MYO9A: variants seen among roughly 807,000 people sequenced by gnomAD.
MYO9A encodes unconventional myosin-IXa.
MYO9A carries 103 observed loss-of-function variants against 293.3 expected under a neutral mutation model. The observed-to-expected ratio is 0.35, with a 90% CI of 0.30 to 0.41. The LOEUF (loss-of-function observed/expected upper bound fraction) is 0.41. Among genes scored for constraint, MYO9A ranks in the 10% least tolerant of loss-of-function variants. The pLI is 1.00. For missense variants in MYO9A, 2,685 were observed against 3,033.0 expected, an observed-to-expected ratio of 0.89 and a Z score of 2.69; for synonymous variants, 1,001 against 1,035.7, an observed-to-expected ratio of 0.97 and a Z score of 0.64.
At chr15:72,003,542 T>C (rs1044688707) in intron 8 of MYO9A, among the ~76,000 whole-genome samples, 4 of 140,876 alleles carry the variant, frequency 2.8e-5, no homozygotes, top group African/African-American at 7.8e-5. Context: ...TAAAAATACA[T>C]AAAAAAAAAA....
At position 71,823,952 on chromosome 15, in the gene MYO9A, G is replaced by T. The variant is rs1052765463; in HGVS notation, c.*2628C>A. ...TGGTGACATAACTTTACCATGCAGA[G>T]GGCCAGTGAGAACAGATGGATGCAG... On this transcript the variant is annotated 3_prime_UTR_variant, in exon 42 of 42. Coordinates refer to ENST00000356056, the MANE Select transcript of MYO9A (RefSeq NM_006901.4). 6 of 152,224 alleles carry T rather than the reference G, an allele frequency of 3.9e-5. No homozygotes were observed. In the East Asian group the frequency reaches 1.2e-3, roughly 29 times the overall value. The allele number at this position is 152,224 out of a possible 1,614,324, so 9.4% of individuals were successfully genotyped here.
At chr15:72,103,557 C>G (rs1406456890) in intron 1 of MYO9A, among the ~76,000 whole-genome samples, 1 of 150,962 alleles carries the variant, frequency 6.6e-6, no homozygotes, top group Non-Finnish European at 1.5e-5. Flanking sequence ...GCAGTGGAAG[C>G]AGAAGCAGCA....
chr15:71,961,357 G>A (rs1026496166), intron 13 of MYO9A, among the ~76,000 whole-genome samples: 1 of 152,158 alleles, frequency 6.6e-6, no homozygotes, highest in African/African-American at 2.4e-5. Context: ...GAAGACTAGA[G>A]AAAGGAAAGT....
chr15:72,097,893 A>G (rs1296645526), intron 1 of MYO9A, among the ~76,000 whole-genome samples: 1 of 152,186 alleles, frequency 6.6e-6, no homozygotes, highest in Non-Finnish European at 1.5e-5. Context: ...CTGGTGACAG[A>G]GCGAGACTCC....
At chr15:72,075,425 A>T (rs1370470737) in intron 1 of MYO9A, among the ~76,000 whole-genome samples, 1 of 151,980 alleles carries the variant, frequency 6.6e-6, no homozygotes, top group Non-Finnish European at 1.5e-5. Context: ...TTATAAAAAT[A>T]TATGATATTA....
At chr15:72,018,936 T>C in intron 6 of MYO9A, 103 bp downstream of exon 6, 1 of 867,770 alleles carries the variant, frequency 1.2e-6, no homozygotes, top group Non-Finnish European at 1.9e-6. Context: ...CTAGGATTCT[T>C]TGTATTTCAG....
rs1215219574 is a variant in MYO9A, at chr15:72,045,974, G to T, written c.590C>A (p.Pro197His). Residue 197 changes from proline to histidine, a missense_variant, in exon 2 of 42, where the codon CCC becomes CAC. Coordinates refer to ENST00000356056, the MANE Select transcript of MYO9A (RefSeq NM_006901.4). ...GTTATCATACATTTTGACATATTTG[G>T]GGTTATAAATAGGAAGAAACTTGAA... ...NPFKFLPIYN[P>H]KYVKMYDNHQ... is the part of the protein sequence containing the mutation. The T allele has an allele frequency of 6.2e-7, 1 of 1,614,022 alleles. No individual in the cohort carries two copies. The highest frequency in any genetic ancestry group is 1.7e-5 in the Admixed American group (1 of 60,014).
At chr15:72,104,212 C>T (rs2080489478) in intron 1 of MYO9A, among the ~76,000 whole-genome samples, 1 of 152,222 alleles carries the variant, frequency 6.6e-6, no homozygotes, top group Non-Finnish European at 1.5e-5. Flanking sequence ...ATAGTATATA[C>T]TGTGTTGCCA....
At chr15:71,996,721 T>C (rs2076707907) in intron 9 of MYO9A, among the ~76,000 whole-genome samples, 1 of 152,130 alleles carries the variant, frequency 6.6e-6, no homozygotes, top group South Asian at 2.1e-4. Context: ...CATTTCTCCC[T>C]ATCAATATGT....
intron 1 of MYO9A, among the ~76,000 whole-genome samples, chr15:72,052,077 C>A (rs893985628): frequency 2.0e-5 from 3 of 152,218 alleles, no homozygotes; most frequent in Non-Finnish European, 4.4e-5. Flanking sequence ...CTTGGGGAGA[C>A]AACCACCTGC....
chr15:72,027,181 A>C (rs138452936), intron 4 of MYO9A, among the ~76,000 whole-genome samples: 1 of 152,356 alleles, frequency 6.6e-6, no homozygotes, highest in East Asian at 1.9e-4. Flanking sequence ...TCTATCTGTA[A>C]AATGGGAATA....
At position 71,981,142 on chromosome 15, in the gene MYO9A, T is replaced by C. The variant is rs145250142; in HGVS notation, c.1723-2850A>G. Among the ~76,000 whole-genome samples, 1,191 of 152,332 alleles carry C rather than the reference T, an allele frequency of 7.8e-3. 22 individuals carry two copies. The highest frequency in any genetic ancestry group is 0.027 in the African/African-American group (1,137 of 41,582). Reference sequence around the variant, plus strand: ...CACATGCTGAAAAAAAAATCTCCCTTTGGTTACAATGTATTATCCTTTTGT... The same window carrying C: ...CACATGCTGAAAAAAAAATCTCCCTCTGGTTACAATGTATTATCCTTTTGT... On this transcript the variant is annotated intron_variant, in intron 11 of 41. Transcript: ENST00000356056.
chr15:72,022,064 T>C (rs893908197), intron 4 of MYO9A, among the ~76,000 whole-genome samples: 2 of 152,108 alleles, frequency 1.3e-5, no homozygotes, highest in Non-Finnish European at 2.9e-5. Flanking sequence ...CTAAGTTAAA[T>C]AAGCAGACAC....
At chr15:71,896,696 C>CT (rs1043723790) in intron 25 of MYO9A, among the ~76,000 whole-genome samples, 2 of 151,786 alleles carry the variant, frequency 1.3e-5, no homozygotes, top group Admixed American at 1.3e-4. Context: ...AGGAGAACTG[C>CT]TTGAGCCTAG....
intron 33 of MYO9A, among the ~76,000 whole-genome samples, chr15:71,861,699 AAAC>A (rs1294455760): frequency 6.7e-6 from 1 of 149,440 alleles, no homozygotes; most frequent in Non-Finnish European, 1.5e-5. Context: ...AAAAAAAAAA[AAAC>A]AAATAAGTTT....
intron 18 of MYO9A, among the ~76,000 whole-genome samples, chr15:71,924,038 T>C (rs2058224289): frequency 7.1e-6 from 1 of 141,418 alleles, no homozygotes; most frequent in Admixed American, 7.5e-5. Flanking sequence ...TTTTAGTACA[T>C]TGCATTTGCA....
chr15:72,108,463 A>C (rs1555427986), intron 1 of MYO9A, among the ~76,000 whole-genome samples: 1 of 152,208 alleles, frequency 6.6e-6, no homozygotes, highest in Non-Finnish European at 1.5e-5. Flanking sequence ...CCATTCTACA[A>C]GATGATTGGT....
intron 35 of MYO9A, 96 bp from the exon 36 acceptor site, chr15:71,852,356 A>AT: frequency 2.9e-6 from 3 of 1,045,436 alleles, no homozygotes; most frequent in South Asian, 2.2e-5. Context: ...GGAAGGCTTC[A>AT]TGTTTCTTTT....
At chr15:71,966,729 T>A (rs1298725131) in intron 13 of MYO9A, among the ~76,000 whole-genome samples, 2 of 151,896 alleles carry the variant, frequency 1.3e-5, no homozygotes, top group East Asian at 1.9e-4. Context: ...CACTTCAATT[T>A]AAAAAAAAGT....
Sources: allele counts gnomAD v4.1 joint callset (sites outside exome capture counted in the v4.1 genomes callset), GRCh38; gene constraint gnomAD v4.1.1; transcripts MANE v1.5; gene names NCBI Gene and HGNC (gene_info 2026-07-23, HGNC 2026-07-21).